USP38: variants seen among roughly 807,000 people sequenced by gnomAD.
USP38 encodes the protein ubiquitin carboxyl-terminal hydrolase 38.
Under a neutral mutation model 94.3 loss-of-function variants are expected in USP38, and 49 were observed. The observed-to-expected ratio is 0.52, with a 90% CI of 0.41 to 0.66. The LOEUF is 0.66. USP38 is among the 30% of genes least tolerant of loss of function. USP38 has a pLI of 0.00. For synonymous variants in USP38, 468 were observed against 463.6 expected (o/e 1.01, Z -0.12); for missense variants, 1,128 against 1,229.4 (o/e 0.92, Z 1.23).
At chr4:143,204,456 C>A (rs2149609024) in intron 5 of USP38, 1 of 445,980 alleles carries the variant, frequency 2.2e-6, no homozygotes, top group East Asian at 7.2e-5. Flanking sequence ...ATGGCATGAT[C>A]ACGGCTCACT....
In USP38 at chr4:143,185,413, T is replaced by C. The variant is rs1165677783; in HGVS notation, c.-38T>C. 3 of 1,528,408 alleles carry C rather than the reference T, an allele frequency of 2.0e-6. No individual in the cohort carries two copies. In the African/African-American group the frequency reaches 4.1e-5, roughly 21 times the overall value. The allele number at this position is 1,528,408 out of a possible 1,614,324, so 94.7% of individuals were successfully genotyped here. Reference sequence around the variant, plus strand: ...CCACCTCGGGGCTGCCGCCACCCGCTCCTTATCCCCTGGCCCTGGCCTTGC... The same window carrying C: ...CCACCTCGGGGCTGCCGCCACCCGCCCCTTATCCCCTGGCCCTGGCCTTGC... On this transcript the variant is annotated 5_prime_UTR_variant, in exon 1 of 10. Transcript: ENST00000307017.
intron 9 of USP38, among the ~76,000 whole-genome samples, chr4:143,217,902 A>G (rs1732224997): frequency 1.3e-5 from 2 of 152,146 alleles, no homozygotes; most frequent in Non-Finnish European, 2.9e-5. Flanking sequence ...CTCTTCATAT[A>G]TTTATTTCCC....
chr4:143,195,991 T>A, intron 3 of USP38, 146 bp downstream of exon 3: 1 of 775,588 alleles, frequency 1.3e-6, no homozygotes, highest in South Asian at 2.9e-5. Context: ...GCTTTAGAAA[T>A]TTTTTTAAAT....
chr4:143,185,807 G>C lies in USP38; in HGVS notation c.357G>C (p.Ser119=). ...TGAAGCTGATTATGAGCTGTCCGTCGGTGCTGGATCTCTTTAGCCTCCTGC... is the reference window on the plus strand; with the variant it reads ...TGAAGCTGATTATGAGCTGTCCGTCCGTGCTGGATCTCTTTAGCCTCCTGC... The part of the protein sequence containing the change: ...NGLKLIMSCP[S]VLDLFSLLQV... The change falls in exon 1 of 10, where the codon TCG becomes TCC. Residue 119 remains serine, a synonymous_variant. Coordinates refer to ENST00000307017, the MANE Select transcript of USP38 (RefSeq NM_032557.6). The C allele has an allele frequency of 6.2e-7, 1 of 1,614,206 alleles. No homozygotes were observed. Among genetic ancestry groups the C allele is most frequent in the Non-Finnish European group, 8.5e-7 (1 of 1,180,042 alleles).
chr4:143,212,514 T>C (rs1311548472), intron 8 of USP38, 90 bp downstream of exon 8: 3 of 672,146 alleles, frequency 4.5e-6, no homozygotes, highest in African/African-American at 3.8e-5. Context: ...TAAAAACATA[T>C]TTCAAATATT....
chr4:143,210,818 C>T (rs1732003596), intron 7 of USP38, among the ~76,000 whole-genome samples: 1 of 151,846 alleles, frequency 6.6e-6, no homozygotes, highest in South Asian at 2.1e-4. Context: ...TTTCTTTCTA[C>T]AAGCTGAGAA....
Position 143,185,878 on chromosome 4 carries a change from T to A in USP38, c.428T>A (p.Leu143His), listed in dbSNP as rs200026669. The A allele has an allele frequency of 3.7e-6, 6 of 1,614,056 alleles. No individual in the cohort carries two copies. Among genetic ancestry groups the A allele is most frequent in the Non-Finnish European group, 5.1e-6 (6 of 1,180,044 alleles). Residue 143 changes from leucine (L) to histidine (H), a missense_variant, in exon 1 of 10, where the codon CTC (leucine) becomes CAC (histidine). Leu to His is a moderately conservative substitution (Grantham distance 99). Transcript: ENST00000307017. ...GTGTGTGAGAGGCCGGAGCCGCAGCTCTGTGCCCGACTGAGCGACCTTCTG... is the reference window on the plus strand; with the variant it reads ...GTGTGTGAGAGGCCGGAGCCGCAGCACTGTGCCCGACTGAGCGACCTTCTG... Reference protein sequence around the residue: ...RMVCERPEPQLCARLSDLLTD... With the variant: ...RMVCERPEPQHCARLSDLLTD...
In USP38 at chr4:143,185,223, G is replaced by A. The variant is rs1328476019; in HGVS notation, c.-228G>A. Reference sequence around the variant, plus strand: ...TACGGGCCTCTGGCGCCTTAGGCCAGCCGCAGGTGTCGGTTCTTAGGCTCT... The same window carrying A: ...TACGGGCCTCTGGCGCCTTAGGCCAACCGCAGGTGTCGGTTCTTAGGCTCT... On this transcript the variant is annotated 5_prime_UTR_variant, in exon 1 of 10. Coordinates refer to ENST00000307017, the MANE Select transcript of USP38 (RefSeq NM_032557.6). 9 of 513,752 alleles carry A rather than the reference G, an allele frequency of 1.8e-5. No homozygotes were observed. The East Asian group carries it at 2.4e-4, about 13-fold the overall frequency. The allele number at this position is 513,752 out of a possible 1,614,324, so 31.8% of individuals were successfully genotyped here.
chr4:143,216,810 ATTTAT>A, intron 9 of USP38, among the ~76,000 whole-genome samples: 1 of 144,180 alleles, frequency 6.9e-6, no homozygotes, highest in Non-Finnish European at 1.5e-5. Flanking sequence ...GATTATTTAC[ATTTAT>A]TTATTTATTT....
chr4:143,185,702 C>T lies in USP38; in HGVS notation c.252C>T (p.Phe84=), dbSNP rs776712447. 2 of 1,614,042 alleles carry T rather than the reference C, an allele frequency of 1.2e-6. No homozygotes were observed. Among genetic ancestry groups the T allele is most frequent in the South Asian group, 2.2e-5 (2 of 91,088 alleles). The change falls in exon 1 of 10, where the codon TTC becomes TTT. Residue 84 remains phenylalanine (F), a synonymous_variant. Coordinates refer to ENST00000307017, the MANE Select transcript of USP38 (RefSeq NM_032557.6). ...PEFESFFNKT[F]VLGLLHQGYH... ...TCGAGTCCTTCTTCAACAAGACCTT[C>T]GTGTTGGGCCTCCTTCATCAGGGCT...
rs766262970 is a variant in USP38, at chr4:143,185,555, G to C, written c.105G>C (p.Glu35Asp). 2.2e-5 allele frequency: 35 copies of C among 1,614,016 alleles called. No individual in the cohort carries two copies. The Admixed American group carries it at 5.8e-4, about 27-fold the overall frequency. ...AATCGGCGGAGCACTGGCTAGACGA[G>C]GCGCAGTGCGAGGCCATGTTTGACC... is the stretch of plus-strand genomic sequence containing the variant. ...VVESAEHWLD[E>D]AQCEAMFDLT... is the part of the protein sequence containing the mutation. Residue 35 changes from glutamate to aspartate, a missense_variant, in exon 1 of 10, where the codon GAG becomes GAC. Coordinates refer to ENST00000307017, the MANE Select transcript of USP38 (RefSeq NM_032557.6).
chr4:143,203,228 C>T (rs1019358919), intron 4 of USP38, among the ~76,000 whole-genome samples, 180 bp from the exon 5 acceptor site: 3 of 151,970 alleles, frequency 2.0e-5, no homozygotes, highest in African/African-American at 2.4e-5. Context: ...TATGCGACTT[C>T]GAAAACTAGA....
chr4:143,207,201 C>T (rs1731891494), intron 6 of USP38, among the ~76,000 whole-genome samples: 2 of 152,160 alleles, frequency 1.3e-5, no homozygotes, highest in Non-Finnish European at 2.9e-5. Flanking sequence ...AAGTTCTAAG[C>T]TTTTCCAAGT....
chr4:143,201,680 T>A (rs940547908), intron 4 of USP38, among the ~76,000 whole-genome samples: 1 of 152,164 alleles, frequency 6.6e-6, no homozygotes, highest in African/African-American at 2.4e-5. Context: ...TTATGCATTT[T>A]ACCCAGTGGA....
At chr4:143,194,530 C>T (rs1388889418) in intron 2 of USP38, among the ~76,000 whole-genome samples, 4 of 151,398 alleles carry the variant, frequency 2.6e-5, no homozygotes, top group Admixed American at 6.6e-5. Context: ...TTTTTGGAGA[C>T]GGAGTCTCGC....
rs74435263 is a variant in USP38, at chr4:143,187,036, A to G, written c.683-790A>G. ...CGTTCTGTGTTCTGATGAATTTAAT[A>G]TATTTACGAAAGAATTACAAACGAT... is the stretch of plus-strand genomic sequence containing the variant. On this transcript the variant is annotated intron_variant, in intron 1 of 9. Coordinates refer to ENST00000307017, the MANE Select transcript of USP38 (RefSeq NM_032557.6). 6.6e-3 allele frequency among the ~76,000 whole-genome samples: 1,012 copies of G among 152,282 alleles called. 9 individuals carry two copies. Among genetic ancestry groups the G allele is most frequent in the East Asian group, 0.011 (58 of 5,182 alleles).
chr4:143,215,980 G>A (rs1581169511), intron 9 of USP38, among the ~76,000 whole-genome samples: 1 of 152,174 alleles, frequency 6.6e-6, no homozygotes, highest in African/African-American at 2.4e-5. Context: ...CAACATGCTA[G>A]AAATAGAATG....
intron 9 of USP38, among the ~76,000 whole-genome samples, chr4:143,217,232 T>C (rs966947991): frequency 6.6e-6 from 1 of 152,208 alleles, no homozygotes; most frequent in South Asian, 2.1e-4. Flanking sequence ...TATTCTGTTA[T>C]GTGGATGCAC....
chr4:143,202,446 G>A (rs1052929723), intron 4 of USP38, among the ~76,000 whole-genome samples: 1 of 151,984 alleles, frequency 6.6e-6, no homozygotes, highest in African/African-American at 2.4e-5. Flanking sequence ...TTTACCATGA[G>A]TTAGCAACCC....
Sources: allele counts gnomAD v4.1 joint callset (sites outside exome capture counted in the v4.1 genomes callset), GRCh38; gene constraint gnomAD v4.1.1; transcripts MANE v1.5; gene names NCBI Gene and HGNC (gene_info 2026-07-23, HGNC 2026-07-21).